The following NREP variants were observed in gnomAD, a reference collection of about 807,000 sequenced individuals.
The protein encoded by NREP is neuronal regeneration-related protein.
A neutral mutation model predicts 8.6 loss-of-function variants in NREP; 5 were observed. The observed-to-expected ratio is 0.58, with a 90% CI of 0.30 to 1.22. The LOEUF (loss-of-function observed/expected upper bound fraction) is 1.22, where lower values mean the gene tolerates loss of function less well. NREP is among the 50% of genes most tolerant of loss of function. NREP has a pLI of 0.07. For missense variants in NREP, 86 were observed against 82.5 expected (o/e 1.04, Z -0.17); for synonymous variants, 27 against 28.0 (o/e 0.96, Z 0.11).
In NREP at chr5:111,923,869, A is replaced by T. The variant is rs1581222582; in HGVS notation, c.135+51405T>A. Among the ~76,000 whole-genome samples the T allele has an allele frequency of 2.0e-5, 3 of 152,060 alleles. No homozygotes were observed. The East Asian group carries it at 5.8e-4, about 29-fold the overall frequency. The stretch of plus-strand genomic sequence containing the variant: ...TTTAACTGGTTAAAGACCCTTTTTG[A>T]TTCTGGATCCCAAATCAAGGTGGTT... On this transcript the variant is annotated intron_variant, in intron 2 of 3. Transcript: ENST00000395634.
intron 2 of NREP, among the ~76,000 whole-genome samples, chr5:111,925,257 T>C (rs1185629854): frequency 3.4e-5 from 4 of 119,044 alleles, no homozygotes; most frequent in African/African-American, 1.1e-4. Context: ...AGACCAGTTC[T>C]GGACGGAGAT....
intron 2 of NREP, among the ~76,000 whole-genome samples, chr5:111,771,618 C>T (rs1751231830): frequency 6.6e-6 from 1 of 151,946 alleles, no homozygotes. Flanking sequence ...CAAAAATTAG[C>T]TGGGAGTGGT....
intron 2 of NREP, among the ~76,000 whole-genome samples, chr5:111,969,070 C>G (rs937140275): frequency 6.6e-6 from 1 of 152,098 alleles, no homozygotes; most frequent in East Asian, 1.9e-4. Flanking sequence ...AAATATGAAC[C>G]AGATATCAGG....
intron 2 of NREP, among the ~76,000 whole-genome samples, chr5:111,770,640 G>A (rs73618760): frequency 8.0e-4 from 109 of 135,764 alleles, no homozygotes; most frequent in African/African-American, 2.8e-3. Context: ...AAACAATCAC[G>A]GCTCACTACA....
At chr5:111,873,390 T>C (rs1659248073) in intron 2 of NREP, among the ~76,000 whole-genome samples, 1 of 152,216 alleles carries the variant, frequency 6.6e-6, no homozygotes, top group Non-Finnish European at 1.5e-5. Context: ...CTCTTTGAGC[T>C]AAAATCAGGG....
At chr5:111,798,586 T>C (rs1751926149) in intron 2 of NREP, among the ~76,000 whole-genome samples, 1 of 152,126 alleles carries the variant, frequency 6.6e-6, no homozygotes, top group Non-Finnish European at 1.5e-5. Flanking sequence ...TCAGTCCTCA[T>C]AGTTTAGGGC....
chr5:111,931,641 A>C (rs1755539456), intron 2 of NREP, among the ~76,000 whole-genome samples: 1 of 152,128 alleles, frequency 6.6e-6, no homozygotes, highest in East Asian at 1.9e-4. Context: ...TTAACTCATT[A>C]AGTTTTGGGG....
intron 2 of NREP, among the ~76,000 whole-genome samples, chr5:111,878,954 G>T (rs1039097970): frequency 2.6e-5 from 4 of 152,150 alleles, no homozygotes; most frequent in Non-Finnish European, 5.9e-5. Flanking sequence ...ATATAGTTTG[G>T]ATGTTTTGTC....
At chr5:111,976,810 G>A in exon 1 of NREP, 4 of 1,316,838 alleles carry the variant, frequency 3.0e-6, no homozygotes, top group Non-Finnish European at 4.3e-6. Flanking sequence ...CCGGGAGTTG[G>A]CCAGACAGCT....
At chr5:111,913,844 C>T (rs1754980252) in intron 2 of NREP, among the ~76,000 whole-genome samples, 1 of 152,040 alleles carries the variant, frequency 6.6e-6, no homozygotes, top group Non-Finnish European at 1.5e-5. Flanking sequence ...GAGAATTCCA[C>T]CCTGAAATAA....
chr5:111,758,904 T>A (rs1403000268), upstream of NREP, among the ~76,000 whole-genome samples: 1 of 152,222 alleles, frequency 6.6e-6, no homozygotes, highest in Non-Finnish European at 1.5e-5. Context: ...CCTGTTAGAC[T>A]GCACTGGGTA....
At chr5:111,768,607 A>G (rs1463086440) in intron 2 of NREP, among the ~76,000 whole-genome samples, 1 of 152,128 alleles carries the variant, frequency 6.6e-6, no homozygotes, top group Admixed American at 6.5e-5. Flanking sequence ...CTAAGTGAGA[A>G]GGTGTCGTAT....
intron 2 of NREP, among the ~76,000 whole-genome samples, chr5:111,784,656 C>G (rs1751568079): frequency 1.3e-5 from 2 of 152,246 alleles, no homozygotes; most frequent in South Asian, 4.2e-4. Context: ...CGGGACTTCT[C>G]AAGGTCCTTA....
chr5:111,730,977 G>C lies in NREP; in HGVS notation c.151C>G (p.Pro51Ala). ...NDETNAASLT[P>A]LGSSELRSPR... ...GAGCGGAGTTCACTGCTGCCCAGTG[G>C]AGTCAGGGAGGCAGCGTTTGTCTCA... The change falls in exon 4 of 4, where the codon CCA becomes GCA. Residue 51 changes from proline (P) to alanine (A), a missense_variant. Pro to Ala is a conservative substitution (Grantham distance 27). Transcript: ENST00000257435. The C allele has an allele frequency of 6.2e-7, 1 of 1,613,954 alleles. No homozygotes were observed. Among genetic ancestry groups the C allele is most frequent in the South Asian group, 1.1e-5 (1 of 91,078 alleles).
At chr5:111,908,421 CCCA>C (rs2112559064) in intron 2 of NREP, among the ~76,000 whole-genome samples, 1 of 152,078 alleles carries the variant, frequency 6.6e-6, no homozygotes, top group African/African-American at 2.4e-5. Context: ...TCAACCCTTG[CCCA>C]CATCTCTTCC....
intron 2 of NREP, among the ~76,000 whole-genome samples, chr5:111,817,341 C>A (rs920869463): frequency 6.6e-6 from 1 of 152,146 alleles, no homozygotes; most frequent in Non-Finnish European, 1.5e-5. Flanking sequence ...ACTTCCTTTT[C>A]TCATTCTCAA....
At chr5:111,918,163 C>A (rs1371406426) in intron 2 of NREP, among the ~76,000 whole-genome samples, 1 of 152,056 alleles carries the variant, frequency 6.6e-6, no homozygotes, top group Admixed American at 6.6e-5. Context: ...ATGTGAAGGA[C>A]CTCTTCAAGG....
At chr5:111,767,688 CAG>C (rs1163441919) in intron 2 of NREP, among the ~76,000 whole-genome samples, 1 of 152,102 alleles carries the variant, frequency 6.6e-6, no homozygotes, top group East Asian at 1.9e-4. Flanking sequence ...TGTTTTGAGA[CAG>C]AGTCTTTCTC....
At chr5:111,818,516 T>A (rs1233256549) in intron 2 of NREP, among the ~76,000 whole-genome samples, 1 of 152,206 alleles carries the variant, frequency 6.6e-6, no homozygotes, top group East Asian at 1.9e-4. Flanking sequence ...TGACTTTCAT[T>A]TGTAAACTGA....
Sources: gnomAD v4.1 joint callset for allele counts (sites outside exome capture counted in the v4.1 genomes callset) on GRCh38, gnomAD v4.1.1 for gene constraint, MANE v1.5 for transcripts, NCBI Gene and HGNC (gene_info 2026-07-23, HGNC 2026-07-21) for gene names.